NPAS3: variants seen among roughly 807,000 people sequenced by gnomAD.
The protein encoded by NPAS3 is neuronal PAS domain-containing protein 3.
In NPAS3, 14 loss-of-function variants were observed where a neutral mutation model predicts 73.1. The observed-to-expected ratio is 0.19, with a 90% CI of 0.13 to 0.30. NPAS3 has a LOEUF of 0.30. NPAS3 is among the 10% of genes least tolerant of loss of function. The pLI is 1.00. For missense variants in NPAS3, 1,096 were observed against 1,250.0 expected, an observed-to-expected ratio of 0.88 and a Z score of 1.86; for synonymous variants, 620 against 541.5, an observed-to-expected ratio of 1.14 and a Z score of -2.01.
chr14:33,797,435 G>A (rs776858038), intron 10 of NPAS3, 22 bp from the exon 11 acceptor site: 2 of 1,613,548 alleles, frequency 1.2e-6, no homozygotes, highest in Non-Finnish European at 1.7e-6. Context: ...CTGCACTCCT[G>A]ACCAGTGCCT....
At chr14:33,635,764 C>A (rs977918587) in intron 5 of NPAS3, among the ~76,000 whole-genome samples, 7 of 152,214 alleles carry the variant, frequency 4.6e-5, no homozygotes, top group Admixed American at 2.6e-4. Flanking sequence ...GCTTCTTTGT[C>A]CTCTGCCCCA....
At chr14:33,493,523 ATGT>A (rs1367605821) in intron 4 of NPAS3, among the ~76,000 whole-genome samples, 2 of 152,096 alleles carry the variant, frequency 1.3e-5, no homozygotes, top group Admixed American at 6.6e-5. Flanking sequence ...GTGTACCCAC[ATGT>A]TGTGTACATG....
At chr14:33,261,735 C>T (rs2048984144) in intron 3 of NPAS3, among the ~76,000 whole-genome samples, 1 of 152,150 alleles carries the variant, frequency 6.6e-6, no homozygotes, top group South Asian at 2.1e-4. Context: ...CTCCAATATA[C>T]ATTTTCCATG....
chr14:33,563,513 T>TACACACACAC (rs1555413073), intron 5 of NPAS3, among the ~76,000 whole-genome samples: 1 of 25,772 alleles, frequency 3.9e-5, no homozygotes, highest in Non-Finnish European at 8.6e-5. Flanking sequence ...CAGATACACA[T>TACACACACAC]ACATACACAC....
intron 2 of NPAS3, among the ~76,000 whole-genome samples, chr14:33,177,447 T>C (rs2045635337): frequency 6.6e-6 from 1 of 151,466 alleles, no homozygotes; most frequent in African/African-American, 2.5e-5. Context: ...GCAAATATTT[T>C]CTCCCATTCT....
At chr14:33,790,240 G>A (rs1177275810) in intron 9 of NPAS3, among the ~76,000 whole-genome samples, 1 of 152,136 alleles carries the variant, frequency 6.6e-6, no homozygotes, top group African/African-American at 2.4e-5. Context: ...AGTAACTCAC[G>A]TGGTGCTTAT....
In NPAS3 at chr14:32,970,208, C is replaced by A. The variant is rs57401521; in HGVS notation, c.50+30842C>A. On this transcript the variant is annotated intron_variant, in intron 1 of 11. Coordinates refer to ENST00000356141, the Ensembl canonical transcript of NPAS3. ...TTCTTTTCTATCATTTTTTCCTAGG[C>A]TAGAGATAGACTAAATTCATATCTG... Among the ~76,000 whole-genome samples the A allele has an allele frequency of 3.4e-3, 522 of 152,250 alleles. 2 individuals carry two copies. The highest frequency in any genetic ancestry group is 0.012 in the African/African-American group (487 of 41,566).
intron 3 of NPAS3, among the ~76,000 whole-genome samples, chr14:33,232,803 AAAT>A (rs2047898978): frequency 6.6e-6 from 1 of 152,340 alleles, no homozygotes; most frequent in African/African-American, 2.4e-5. Context: ...GTAACATTTT[AAAT>A]AATGATTAAG....
intron 6 of NPAS3, among the ~76,000 whole-genome samples, chr14:33,679,228 G>T (rs2059863411): frequency 6.6e-6 from 1 of 152,166 alleles, no homozygotes; most frequent in South Asian, 2.1e-4. Flanking sequence ...AGAACGTTAA[G>T]CTACCTTAAC....
intron 4 of NPAS3, among the ~76,000 whole-genome samples, chr14:33,381,495 A>G (rs1357200600): frequency 6.6e-6 from 1 of 152,170 alleles, no homozygotes; most frequent in Admixed American, 6.5e-5. Flanking sequence ...ACTAATTGCT[A>G]TCATTTAACC....
intron 4 of NPAS3, among the ~76,000 whole-genome samples, chr14:33,516,996 G>A (rs1198496676): frequency 2.6e-5 from 4 of 152,060 alleles, no homozygotes; most frequent in African/African-American, 9.7e-5. Context: ...ATCTACTGAG[G>A]CAGATGAACA....
intron 5 of NPAS3, among the ~76,000 whole-genome samples, chr14:33,622,833 T>G (rs1157440114): frequency 1.3e-5 from 2 of 152,160 alleles, no homozygotes; most frequent in African/African-American, 4.8e-5. Context: ...CTGCAGAGAT[T>G]TTTTTTCCCA....
At chr14:33,054,180 G>C (rs187680729) in intron 1 of NPAS3, among the ~76,000 whole-genome samples, 129 of 152,264 alleles carry the variant, frequency 8.5e-4, no homozygotes, top group African/African-American at 2.5e-3. Flanking sequence ...TTCATTTCAA[G>C]CTTTTTTATA....
At chr14:33,548,304 A>G (rs8005371) in intron 4 of NPAS3, among the ~76,000 whole-genome samples, 90,644 of 152,044 alleles carry the variant, frequency 0.6, 27,250 homozygotes, top group Admixed American at 0.65. Context: ...AATGTAGTGA[A>G]TGGTGGAATA....
At chr14:32,965,757 T>C (rs2037126098) in intron 1 of NPAS3, among the ~76,000 whole-genome samples, 1 of 152,212 alleles carries the variant, frequency 6.6e-6, no homozygotes, top group Non-Finnish European at 1.5e-5. Context: ...TTGGAAAGAA[T>C]GAAGTCAGAT....
intron 1 of NPAS3, among the ~76,000 whole-genome samples, chr14:32,959,976 ATTTTTTT>A (rs61262665): frequency 3.0e-5 from 4 of 131,338 alleles, no homozygotes; most frequent in East Asian, 4.5e-4. Flanking sequence ...GTGAGTTTCA[ATTTTTTT>A]TTTTTTTTTT....
intron 5 of NPAS3, chr14:33,582,225 C>T (rs566598858): frequency 2.6e-5 from 4 of 152,200 alleles, no homozygotes; most frequent in Admixed American, 1.3e-4. Context: ...ATACCCTTAA[C>T]GGAACTGCAT....
intron 1 of NPAS3, among the ~76,000 whole-genome samples, chr14:33,052,056 G>A (rs757049199): frequency 3.3e-4 from 50 of 152,136 alleles, no homozygotes; most frequent in Non-Finnish European, 6.3e-4. Flanking sequence ...ACCGTGCCTG[G>A]CCATGAATTA....
chr14:33,447,365 G>A (rs537076960), intron 4 of NPAS3, among the ~76,000 whole-genome samples: 275 of 152,290 alleles, frequency 1.8e-3, no homozygotes, highest in South Asian at 7.9e-3. Context: ...GAGAGTGTGC[G>A]TGTGCTGTGA....
Sources: gnomAD v4.1 joint callset for allele counts (sites outside exome capture counted in the v4.1 genomes callset) on GRCh38, gnomAD v4.1.1 for gene constraint, MANE v1.5 for transcripts, NCBI Gene and HGNC (gene_info 2026-07-23, HGNC 2026-07-21) for gene names.